Variants in BICDL1 observed in about 807,000 individuals in gnomAD.
The protein encoded by BICDL1 is BICD family-like cargo adapter 1.
In BICDL1, 20 loss-of-function variants were observed where a neutral mutation model predicts 76.8. The observed-to-expected ratio is 0.26, with a 90% CI of 0.18 to 0.38. The LOEUF (loss-of-function observed/expected upper bound fraction) is 0.38, where lower values mean the gene tolerates loss of function less well. BICDL1 is among the 10% of genes least tolerant of loss of function. The pLI, the probability that BICDL1 is intolerant of heterozygous loss-of-function variation, is 1.00. For missense variants in BICDL1, 700 were observed against 798.6 expected, an observed-to-expected ratio of 0.88 and a Z score of 1.49; for synonymous variants, 383 against 337.1, an observed-to-expected ratio of 1.14 and a Z score of -1.49.
chr12:119,990,364 A>T, intron 1 of BICDL1, 67 bp downstream of exon 1: 1 of 1,530,200 alleles, frequency 6.5e-7, no homozygotes, highest in Non-Finnish European at 8.8e-7. Flanking sequence ...GGCCCTGGGC[A>T]GTTAGGGAAC....
intron 2 of BICDL1, among the ~76,000 whole-genome samples, chr12:120,013,289 G>A (rs183765030): frequency 6.7e-6 from 1 of 149,738 alleles, no homozygotes; most frequent in Non-Finnish European, 1.5e-5. Flanking sequence ...ACTCCAGCCT[G>A]GGGGACAGAG....
At chr12:120,058,598 T>C (rs1391475874) in intron 2 of BICDL1, among the ~76,000 whole-genome samples, 2 of 151,182 alleles carry the variant, frequency 1.3e-5, no homozygotes, top group African/African-American at 4.9e-5. Context: ...TTCTTTTTTT[T>C]TTTTTTTTTT....
chr12:120,083,786 G>A (rs1235850874), intron 8 of BICDL1, among the ~76,000 whole-genome samples: 1 of 151,076 alleles, frequency 6.6e-6, no homozygotes, highest in Non-Finnish European at 1.5e-5. Context: ...CAGCCAAGTA[G>A]CTGGAATTAC....
chr12:120,074,410 A>G (rs1184418058), intron 6 of BICDL1, 33 bp from the exon 7 acceptor site: 1 of 1,136,868 alleles, frequency 8.8e-7, no homozygotes, highest in Non-Finnish European at 1.1e-6. Flanking sequence ...TACCCTTACC[A>G]TATCTGTCTG....
intron 4 of BICDL1, 127 bp downstream of exon 4, chr12:120,065,006 C>T (rs1210469651): frequency 1.3e-5 from 14 of 1,055,728 alleles, no homozygotes; most frequent in Admixed American, 1.3e-4. Flanking sequence ...GCTGAGGTCT[C>T]GCTGTGGGGC....
intron 9 of BICDL1, chr12:120,090,737 C>T (rs1173462826): frequency 2.4e-6 from 1 of 420,422 alleles, no homozygotes. Flanking sequence ...CAAGGTAAGC[C>T]CCCCGTGGAG....
intron 2 of BICDL1, among the ~76,000 whole-genome samples, chr12:120,006,578 A>C (rs559851378): frequency 6.6e-6 from 1 of 152,318 alleles, no homozygotes; most frequent in South Asian, 2.1e-4. Context: ...AGACAACTCA[A>C]TTTTTGATAG....
chr12:120,052,700 T>G (rs537335836), intron 2 of BICDL1, among the ~76,000 whole-genome samples: 3 of 152,256 alleles, frequency 2.0e-5, no homozygotes, highest in Non-Finnish European at 2.9e-5. Context: ...ATGAAACTTT[T>G]GCCCACAAAT....
intron 2 of BICDL1, among the ~76,000 whole-genome samples, chr12:120,056,765 G>A (rs1047587743): frequency 7.9e-5 from 12 of 152,154 alleles, no homozygotes; most frequent in Non-Finnish European, 1.3e-4. Context: ...GATTTGGGCA[G>A]AGGGTCCTAG....
chr12:119,989,973 G>T lies in BICDL1; in HGVS notation c.105G>T (p.Arg35=). 2 of 1,469,226 alleles carry T rather than the reference G, an allele frequency of 1.4e-6. No individual in the cohort carries two copies. Among genetic ancestry groups the T allele is most frequent in the South Asian group, 2.7e-5 (2 of 73,058 alleles). 91.0% of individuals were successfully genotyped at this position (1,469,226 alleles called of 1,614,324 possible). Residue 35 remains arginine, a synonymous_variant, in exon 1 of 10, where the codon CGG becomes CGT. Coordinates refer to ENST00000548673, the MANE Select transcript of BICDL1 (RefSeq NM_001367886.1). ...ELPAAAGDAV[R]SPAAAAALIF... ...CCGCCGCGGCCGGGGACGCAGTCCG[G>T]AGTCCCGCCGCCGCCGCCGCCCTCA...
At chr12:120,049,188 C>T (rs927960163) in intron 2 of BICDL1, among the ~76,000 whole-genome samples, 1 of 152,146 alleles carries the variant, frequency 6.6e-6, no homozygotes, top group African/African-American at 2.4e-5. Flanking sequence ...CAGAAAGCTT[C>T]TGGGAAGAGA....
At chr12:120,029,648 T>G (rs1331470832) in intron 2 of BICDL1, among the ~76,000 whole-genome samples, 1 of 152,116 alleles carries the variant, frequency 6.6e-6, no homozygotes, top group Non-Finnish European at 1.5e-5. Flanking sequence ...CAAATTTTTT[T>G]GACCCCAGAA....
chr12:120,073,950 C>T (rs372373156), intron 6 of BICDL1, among the ~76,000 whole-genome samples: 3 of 152,162 alleles, frequency 2.0e-5, no homozygotes, highest in Admixed American at 6.5e-5. Flanking sequence ...GACGGAGTCT[C>T]GCTCTGTTGC....
At chr12:120,064,147 A>G (rs990514786) in intron 3 of BICDL1, among the ~76,000 whole-genome samples, 2 of 152,192 alleles carry the variant, frequency 1.3e-5, no homozygotes, top group Admixed American at 6.5e-5. Flanking sequence ...ATCCCAGGAC[A>G]CAGGCTGATG....
intron 2 of BICDL1, among the ~76,000 whole-genome samples, chr12:120,050,354 CCTCCTGGGT>C (rs1341753267): frequency 2.0e-5 from 3 of 151,172 alleles, no homozygotes; most frequent in Non-Finnish European, 2.9e-5. Context: ...GCAAGCTACA[CCTCCTGGGT>C]TCACGCCATT....
In BICDL1 at chr12:120,079,749, G is replaced by A. The variant is rs1463104719; in HGVS notation, c.1453-1138G>A. On this transcript the variant is annotated intron_variant, in intron 7 of 9. Transcript: ENST00000548673. The surrounding 1 kb of genome is among the most constrained non-coding windows in gnomAD (Gnocchi z 4.3). Reference sequence around the variant, plus strand: ...AGCTTACAGAATCAACAGGAAAGTGGGAGAACCCGGTTCCAAAACAAGAAA... The same window carrying A: ...AGCTTACAGAATCAACAGGAAAGTGAGAGAACCCGGTTCCAAAACAAGAAA... 1.3e-5 allele frequency among the ~76,000 whole-genome samples: 2 copies of A among 152,192 alleles called. No individual in the cohort carries two copies. The highest frequency in any genetic ancestry group is 2.9e-5 in the Non-Finnish European group (2 of 68,036).
Position 119,989,757 on chromosome 12 carries a change from C to G in BICDL1, c.-112C>G, listed in dbSNP as rs1468813190. ...CTCGCGGGGACCCGGGGGCGCGTGC[C>G]GCGGCGCGAGGCGAGGCGCGGGACG... On this transcript the variant is annotated 5_prime_UTR_variant, in exon 1 of 10. Transcript: ENST00000548673. 9 of 339,616 alleles carry G rather than the reference C, an allele frequency of 2.7e-5. No homozygotes were observed. The highest frequency in any genetic ancestry group is 3.7e-5 in the Non-Finnish European group (9 of 243,852). 21.0% of individuals were successfully genotyped at this position (339,616 alleles called of 1,614,324 possible). A position where few individuals can be genotyped will look rare whatever the true frequency, so the allele number is the denominator to read the frequency against.
At chr12:120,020,106 A>G (rs1952148935) in intron 2 of BICDL1, among the ~76,000 whole-genome samples, 1 of 152,234 alleles carries the variant, frequency 6.6e-6, no homozygotes, top group Admixed American at 6.5e-5. Context: ...CAGTGCCCAT[A>G]TTTTAATTTC....
intron 9 of BICDL1, chr12:120,092,202 G>A (rs1875032387): frequency 1.0e-6 from 1 of 985,310 alleles, no homozygotes; most frequent in Non-Finnish European, 1.2e-6. Context: ...AGGGAGTGGA[G>A]CTGCCCTGTC....
Sources: allele counts gnomAD v4.1 joint callset (sites outside exome capture counted in the v4.1 genomes callset), GRCh38; gene constraint gnomAD v4.1.1; non-coding constraint Gnocchi (gnomAD v3.1); transcripts MANE v1.5; gene names NCBI Gene and HGNC (gene_info 2026-07-23, HGNC 2026-07-21).